The following ZNF730 variants were observed in gnomAD, a reference collection of about 807,000 sequenced individuals.
The protein encoded by ZNF730 is zinc finger protein 730.
In ZNF730, 12 loss-of-function variants were observed where a neutral mutation model predicts 12.6. That is an observed-to-expected ratio of 0.95 (90% CI 0.61 to 1.54). ZNF730 has a LOEUF of 1.54. ZNF730 is among the 40% of genes most tolerant of loss of function. The pLI, the probability that ZNF730 is intolerant of heterozygous loss-of-function variation, is 0.00. For synonymous variants in ZNF730, 194 were observed against 195.8 expected (o/e 0.99, Z 0.08); for missense variants, 643 against 583.5 (o/e 1.10, Z -1.05).
Position 23,146,756 on chromosome 19 carries a change from A to C in ZNF730, c.*200A>C, listed in dbSNP as rs570176260. 9.0e-7 allele frequency: 1 copy of C among 1,111,054 alleles called. No homozygotes were observed. Among genetic ancestry groups the C allele is most frequent in the African/African-American group, 1.5e-5 (1 of 65,250 alleles). 68.8% of individuals were successfully genotyped at this position (1,111,054 alleles called of 1,614,324 possible). A position where few individuals can be genotyped will look rare whatever the true frequency, so the allele number is the denominator to read the frequency against. On this transcript the variant is annotated 3_prime_UTR_variant, in exon 4 of 4. Coordinates refer to ENST00000597761, the MANE Select transcript of ZNF730 (RefSeq NM_001277403.2). ...AAGAATGTGGCAAAGTCTTCAACCA[A>C]TCTTCACACCTTACTACACATAAGA... is the stretch of plus-strand genomic sequence containing the variant.
upstream of ZNF730, chr19:23,116,854 G>A (rs1599587328): frequency 3.2e-6 from 1 of 310,442 alleles, no homozygotes; most frequent in East Asian, 7.1e-5. Flanking sequence ...GCCCGAAAAG[G>A]CTGCAGCCTA....
chr19:23,094,400 GTCTA>G (rs1456536974), intron 1 of ZNF730, among the ~76,000 whole-genome samples: 14 of 147,538 alleles, frequency 9.5e-5, no homozygotes, highest in South Asian at 2.1e-4. Flanking sequence ...CTGTCTATCT[GTCTA>G]TCTATCTGTG....
At chr19:23,125,992 T>A (rs1321986524) in intron 1 of ZNF730, among the ~76,000 whole-genome samples, 1 of 152,202 alleles carries the variant, frequency 6.6e-6, no homozygotes, top group East Asian at 1.9e-4. Context: ...TACTAATGCA[T>A]TTGCTTTTCT....
chr19:23,134,034 G>GC, intron 1 of ZNF730, 46 bp from the exon 2 acceptor site: 1 of 1,607,946 alleles, frequency 6.2e-7, no homozygotes, highest in Non-Finnish European at 8.5e-7. Flanking sequence ...TTAAAATTCT[G>GC]CCCAGGGGCA....
chr19:23,116,369 T>C (rs1970523337), upstream of ZNF730, among the ~76,000 whole-genome samples: 1 of 148,252 alleles, frequency 6.7e-6, no homozygotes, highest in South Asian at 2.1e-4. Flanking sequence ...TTTCTCTCTT[T>C]TCTTTCTTTC....
intron 3 of ZNF730, among the ~76,000 whole-genome samples, chr19:23,140,516 CAGG>C (rs1970900254): frequency 6.7e-6 from 1 of 148,766 alleles, no homozygotes; most frequent in African/African-American, 2.5e-5. Context: ...GAGGCTGAGA[CAGG>C]AGAATTGCTT....
intron 1 of ZNF730, among the ~76,000 whole-genome samples, chr19:23,092,106 C>T (rs1363152352): frequency 6.6e-6 from 1 of 152,164 alleles, no homozygotes; most frequent in African/African-American, 2.4e-5. Context: ...CTCTCAAGAT[C>T]TGATGGGCTT....
intron 1 of ZNF730, among the ~76,000 whole-genome samples, chr19:23,133,255 T>G (rs1374796076): frequency 6.6e-6 from 1 of 152,220 alleles, no homozygotes; most frequent in Non-Finnish European, 1.5e-5. Flanking sequence ...GACTACAGGC[T>G]CTTCCAGTTA....
At chr19:23,107,481 A>G (rs1440708736) in intron 1 of ZNF730, among the ~76,000 whole-genome samples, 6 of 126,758 alleles carry the variant, frequency 4.7e-5, no homozygotes, top group Admixed American at 8.3e-5. Context: ...AAAAACCACC[A>G]CAGCTCTGTT....
rs1309840107 is a variant in ZNF730 at position 23,117,062 on chromosome 19, G to T, written c.-112G>T. 6.5e-7 allele frequency: 1 copy of T among 1,533,888 alleles called. No individual in the cohort carries two copies. The highest frequency in any genetic ancestry group is 8.9e-7 in the Non-Finnish European group (1 of 1,129,592). On this transcript the variant is annotated 5_prime_UTR_variant, in exon 1 of 4. Coordinates refer to ENST00000597761, the MANE Select transcript of ZNF730 (RefSeq NM_001277403.2). Reference sequence around the variant, plus strand: ...CGCTGCCGCCGAAGCTCCAATTTTCGTCTGTCTGCTTTGTGTCCTCTGCAC... The same window carrying T: ...CGCTGCCGCCGAAGCTCCAATTTTCTTCTGTCTGCTTTGTGTCCTCTGCAC...
intron 2 of ZNF730, 149 bp from the exon 3 acceptor site, chr19:23,135,799 C>A: frequency 1.5e-6 from 1 of 646,692 alleles, no homozygotes; most frequent in Non-Finnish European, 2.2e-6. Context: ...GCATGAGCCA[C>A]CGTGCCTGGT....
At chr19:23,090,177 C>T (rs572749048) in intron 1 of ZNF730, among the ~76,000 whole-genome samples, 6 of 151,532 alleles carry the variant, frequency 4.0e-5, no homozygotes, top group Admixed American at 6.6e-5. Flanking sequence ...ACCCGAGAGG[C>T]GGAGGTTGCT....
chr19:23,141,099 C>CA (rs895300222), intron 3 of ZNF730, among the ~76,000 whole-genome samples: 4 of 150,448 alleles, frequency 2.7e-5, no homozygotes, highest in East Asian at 2.0e-4. Flanking sequence ...CCCATCTTTC[C>CA]AAAAAAAAAT....
At chr19:23,101,603 A>G (rs1321646737) in intron 1 of ZNF730, among the ~76,000 whole-genome samples, 1 of 152,204 alleles carries the variant, frequency 6.6e-6, no homozygotes, top group African/African-American at 2.4e-5. Flanking sequence ...AGATTGTGAC[A>G]TATCGCTTGA....
upstream of ZNF730, among the ~76,000 whole-genome samples, chr19:23,115,416 G>A (rs548568426): frequency 1.5e-4 from 23 of 152,248 alleles, no homozygotes; most frequent in South Asian, 4.4e-3. Context: ...CCTTTGCCAC[G>A]TGCTTTTTTA....
At chr19:23,101,803 C>T (rs1017557795) in intron 1 of ZNF730, among the ~76,000 whole-genome samples, 4 of 152,116 alleles carry the variant, frequency 2.6e-5, no homozygotes, top group African/African-American at 7.2e-5. Context: ...CTCCTGACCT[C>T]GTGTTCTGCC....
upstream of ZNF730, among the ~76,000 whole-genome samples, chr19:23,116,349 ATTTC>A (rs1970522725): frequency 3.6e-5 from 4 of 111,278 alleles, no homozygotes; most frequent in Admixed American, 8.1e-5. Flanking sequence ...TTCTTTCCTT[ATTTC>A]TTTTCTTTCT....
chr19:23,096,354 A>T (rs1970252098), intron 1 of ZNF730, among the ~76,000 whole-genome samples: 1 of 152,220 alleles, frequency 6.6e-6, no homozygotes, highest in African/African-American at 2.4e-5. Flanking sequence ...TTATTGACAC[A>T]TATCACTGGC....
At chr19:23,082,970 A>G (rs923202972) in intron 1 of ZNF730, among the ~76,000 whole-genome samples, 1 of 152,222 alleles carries the variant, frequency 6.6e-6, no homozygotes, top group South Asian at 2.1e-4. Flanking sequence ...AAGTGCTGGG[A>G]TTACAGGTGT....
Sources: allele counts gnomAD v4.1 joint callset (sites outside exome capture counted in the v4.1 genomes callset), GRCh38; gene constraint gnomAD v4.1.1; transcripts MANE v1.5; gene names NCBI Gene and HGNC (gene_info 2026-07-23, HGNC 2026-07-21).